The following FXYD2 variants were observed in gnomAD, a reference collection of about 807,000 sequenced individuals.
The protein encoded by FXYD2 is FXYD domain containing ion transport regulator 2, also known as sodium/potassium-transporting ATPase subunit gamma.
A neutral mutation model predicts 11.8 loss-of-function variants in FXYD2; 8 were observed. The observed-to-expected ratio is 0.68, with a 90% CI of 0.40 to 1.22. The LOEUF is 1.22. Ranked by LOEUF, FXYD2 falls within the 50% of genes most tolerant of loss-of-function variation. FXYD2 has a pLI of 0.01. For missense variants in FXYD2, 92 were observed against 91.8 expected (o/e 1.00, Z -0.01); for synonymous variants, 42 against 33.3 (o/e 1.26, Z -0.90).
upstream of FXYD2, chr11:117,827,940 T>C (rs2056078528): frequency 2.5e-6 from 3 of 1,193,282 alleles, no homozygotes; most frequent in Non-Finnish European, 3.7e-6. Flanking sequence ...GGGACGGGGC[T>C]GGCACCTGTG....
chr11:117,827,479 C>T (rs560085706), upstream of FXYD2, among the ~76,000 whole-genome samples: 1 of 152,312 alleles, frequency 6.6e-6, no homozygotes, highest in South Asian at 2.1e-4. Flanking sequence ...GAACTCCTGA[C>T]CTCAGATAAT....
upstream of FXYD2, among the ~76,000 whole-genome samples, chr11:117,826,778 G>GTCTGTCTGTCTGTCTATCTA (rs1344802450): frequency 4.4e-4 from 55 of 125,872 alleles, no homozygotes; most frequent in South Asian, 2.0e-3. Context: ...CTGTCTGTCT[G>GTCTGTCTGTCTGTCTATCTA]TCTATCTATC....
chr11:117,827,559 T>C (rs772275742), upstream of FXYD2, among the ~76,000 whole-genome samples: 2 of 152,222 alleles, frequency 1.3e-5, no homozygotes, highest in Non-Finnish European at 2.9e-5. Context: ...AGAAATTAAT[T>C]CTTTAGTCAT....
In FXYD2 at chr11:117,822,597, T is replaced by C. The variant is rs1443751806; in HGVS notation, c.64+82A>G. 6.3e-7 allele frequency: 1 copy of C among 1,577,296 alleles called. No individual in the cohort carries two copies. The highest frequency in any genetic ancestry group is 1.9e-5 in the Admixed American group (1 of 52,486). On this transcript the variant is annotated intron_variant, in intron 2 of 5. Transcript: ENST00000292079. This position sits in a 1 kb window ranked among gnomAD's most constrained non-coding sequence, Gnocchi z 4.7. ...CAGGGGAGATAAGGGGCACAGAGCA[T>C]GGACCTGGGGCTGGGAGAGGCCGCT...
chr11:117,820,801 G>A, intron 4 of FXYD2, 58 bp downstream of exon 4: 1 of 1,613,578 alleles, frequency 6.2e-7, no homozygotes, highest in Non-Finnish European at 8.5e-7. Flanking sequence ...AAAATCCTCA[G>A]CCCGCCCCTC....
intron 1 of FXYD2, among the ~76,000 whole-genome samples, chr11:117,823,506 A>G (rs914476624): frequency 6.6e-6 from 1 of 152,208 alleles, no homozygotes; most frequent in African/African-American, 2.4e-5. Flanking sequence ...CCACCTCTCA[A>G]TGGCGGGAGG....
chr11:117,826,826 GTCTA>G (rs58286434), upstream of FXYD2, among the ~76,000 whole-genome samples: 27,395 of 106,806 alleles, frequency 0.26, 3,278 homozygotes, highest in South Asian at 0.4. Context: ...CTATCTATCT[GTCTA>G]TCTATCTATC....
chr11:117,820,526 C>T (rs1164726654), intron 5 of FXYD2, 140 bp downstream of exon 5: 16 of 1,060,144 alleles, frequency 1.5e-5, no homozygotes, highest in South Asian at 2.9e-5. Flanking sequence ...TTTAAACACA[C>T]GATGGGTGAC....
At position 117,822,279 on chromosome 11, in the gene FXYD2, T is replaced by G; in HGVS notation, c.139+127A>C. 3 of 1,540,610 alleles carry G rather than the reference T, an allele frequency of 1.9e-6. No homozygotes were observed. Among genetic ancestry groups the G allele is most frequent in the Non-Finnish European group, 2.6e-6 (3 of 1,144,180 alleles). ...CCACCGGGCACCCATTCCCACATCC[T>G]GCAGTGGGGGGCGTGGTGGGGAGGC... is the stretch of plus-strand genomic sequence containing the variant. On this transcript the variant is annotated intron_variant, in intron 3 of 5. Transcript: ENST00000292079. The surrounding 1 kb of genome is among the most constrained non-coding windows in gnomAD (Gnocchi z 4.7).
At chr11:117,825,741 C>T (rs1039544169), upstream of FXYD2, among the ~76,000 whole-genome samples, 4 of 152,212 alleles carry the variant, frequency 2.6e-5, no homozygotes, top group East Asian at 3.9e-4. Context: ...ACTCCTGTGC[C>T]GGGTAGTCAC....
chr11:117,825,578 T>G (rs1341128467), upstream of FXYD2, among the ~76,000 whole-genome samples: 1 of 152,168 alleles, frequency 6.6e-6, no homozygotes, highest in Admixed American at 6.5e-5. Context: ...GGCAGGTGTC[T>G]AAGGCACAGA....
chr11:117,826,826 GTCTATCTA>G (rs58286434), upstream of FXYD2, among the ~76,000 whole-genome samples: 8 of 109,742 alleles, frequency 7.3e-5, no homozygotes, highest in South Asian at 2.0e-3. Flanking sequence ...CTATCTATCT[GTCTATCTA>G]TCTATCTATC....
chr11:117,822,616 G>A lies in FXYD2; in HGVS notation c.64+63C>T. The A allele has an allele frequency of 6.3e-7, 1 of 1,589,358 alleles. No individual in the cohort carries two copies. The highest frequency in any genetic ancestry group is 1.7e-4 in the Middle Eastern group (1 of 6,016). On this transcript the variant is annotated intron_variant, in intron 2 of 5. Transcript: ENST00000292079. This position sits in a 1 kb window ranked among gnomAD's most constrained non-coding sequence, Gnocchi z 4.7. ...AGAGCATGGACCTGGGGCTGGGAGA[G>A]GCCGCTGCTTGGTGGAAGGGGTCCT...
chr11:117,827,596 G>T (rs138659577), upstream of FXYD2, among the ~76,000 whole-genome samples: 1,646 of 152,248 alleles, frequency 0.011, 16 homozygotes, highest in Non-Finnish European at 0.014. Flanking sequence ...AGGTAAAGAA[G>T]GCATTATTAT....
At chr11:117,827,924 T>C, upstream of FXYD2, 1 of 1,078,656 alleles carries the variant, frequency 9.3e-7, no homozygotes, top group Non-Finnish European at 1.4e-6. Context: ...GTGGGTGCAC[T>C]TGAAAGGGAC....
intron 5 of FXYD2, 53 bp from the exon 6 acceptor site, chr11:117,820,425 T>G: frequency 2.3e-5 from 13 of 561,526 alleles, no homozygotes; most frequent in South Asian, 1.0e-4. Context: ...GAGGTTGGGG[T>G]TTTACTTCCC....
rs758131389 is a variant in FXYD2, at chr11:117,820,709, G to C, written c.177-13C>G. The C allele has an allele frequency of 1.2e-6, 2 of 1,614,076 alleles. No individual in the cohort carries two copies. Among genetic ancestry groups the C allele is most frequent in the East Asian group, 2.2e-5 (1 of 44,882 alleles). On this transcript the variant is annotated splice_polypyrimidine_tract_variant and intron_variant, in intron 4 of 5. Transcript: ENST00000292079. Reference sequence around the variant, plus strand: ...TTCATTGATTTGCCTGGTGGGGGAAGGAAAAGCAACAGGTGAGAGGGCAGG... The same window carrying C: ...TTCATTGATTTGCCTGGTGGGGGAACGAAAAGCAACAGGTGAGAGGGCAGG...
At chr11:117,828,006 C>T (rs973101906), upstream of FXYD2, 1 of 1,548,784 alleles carries the variant, frequency 6.5e-7, no homozygotes, top group East Asian at 2.4e-5. Context: ...CAGGTACCAC[C>T]TGTCCATGGC....
chr11:117,822,325 C>A lies in FXYD2; in HGVS notation c.139+81G>T. On this transcript the variant is annotated intron_variant, in intron 3 of 5. Coordinates refer to ENST00000292079, the MANE Select transcript of FXYD2 (RefSeq NM_001680.5). The surrounding 1 kb of genome is among the most constrained non-coding windows in gnomAD (Gnocchi z 4.7). ...GAGGCTCACCCCTCCCTTGGCAACT[C>A]CCGAAAGCCAGCCTGCTCAGCGGCC... 6.5e-7 allele frequency: 1 copy of A among 1,548,916 alleles called. No individual in the cohort carries two copies. Among genetic ancestry groups the A allele is most frequent in the Non-Finnish European group, 8.7e-7 (1 of 1,146,678 alleles).
Sources: gnomAD v4.1 joint callset for allele counts (sites outside exome capture counted in the v4.1 genomes callset) on GRCh38, gnomAD v4.1.1 for gene constraint, Gnocchi (gnomAD v3.1) non-coding constraint, MANE v1.5 for transcripts, NCBI Gene and HGNC (gene_info 2026-07-23, HGNC 2026-07-21) for gene names.